Variants in CSNK2A2IP observed in about 807,000 individuals in gnomAD.
The protein encoded by CSNK2A2IP is casein kinase II subunit alpha'-interacting protein.
At chr3:88,384,602 A>T in the CSNK2A2IP span, among the ~76,000 whole-genome samples, 1 of 152,164 alleles carries the variant, frequency 6.6e-6, no homozygotes, top group South Asian at 2.1e-4. Flanking sequence ...AAAGAGCAAT[A>T]GGGACTCCTG....
chr3:88,339,250 T>C, the CSNK2A2IP span, among the ~76,000 whole-genome samples: 1 of 146,728 alleles, frequency 6.8e-6, no homozygotes, highest in Non-Finnish European at 1.5e-5. Context: ...ATCATTCCAC[T>C]CCATCTTCAT....
the CSNK2A2IP span, among the ~76,000 whole-genome samples, chr3:88,457,751 A>AAAATAAAATAAAATAAAATCAAATC: frequency 6.7e-6 from 1 of 148,208 alleles, no homozygotes; most frequent in East Asian, 2.0e-4. Flanking sequence ...AAAATAAAAT[A>AAAATAAAATAAAATAAAATCAAATC]AAATCTAGTA....
At chr3:88,366,606 G>A in the CSNK2A2IP span, among the ~76,000 whole-genome samples, 58,159 of 151,832 alleles carry the variant, frequency 0.38, 14,132 homozygotes, top group South Asian at 0.6. Flanking sequence ...AACTTTAATT[G>A]GAGTGTTAAA....
the CSNK2A2IP span, among the ~76,000 whole-genome samples, chr3:88,410,361 C>G: frequency 1.3e-5 from 2 of 151,954 alleles, no homozygotes; most frequent in South Asian, 2.1e-4. Flanking sequence ...TATGTGACAA[C>G]CTGCATTCAT....
the CSNK2A2IP span, among the ~76,000 whole-genome samples, chr3:88,422,867 T>A: frequency 6.6e-6 from 1 of 152,240 alleles, no homozygotes; most frequent in African/African-American, 2.4e-5. Context: ...AGTTGTTTTC[T>A]CTAAAAACAG....
the CSNK2A2IP span, among the ~76,000 whole-genome samples, chr3:88,421,006 G>A: frequency 6.6e-6 from 1 of 151,958 alleles, no homozygotes; most frequent in Non-Finnish European, 1.5e-5. Context: ...ATATGCAGGG[G>A]GAATTCATGC....
the CSNK2A2IP span, among the ~76,000 whole-genome samples, chr3:88,341,511 G>T: frequency 6.6e-6 from 1 of 151,620 alleles, no homozygotes; most frequent in Non-Finnish European, 1.5e-5. Context: ...TCATCTGTAA[G>T]ATGGAAAATA....
the CSNK2A2IP span, chr3:88,467,212 T>G: frequency 7.5e-6 from 3 of 400,308 alleles, no homozygotes; most frequent in East Asian, 1.1e-4. Context: ...CTCCACTTCC[T>G]CCTCCTCCAC....
At chr3:88,351,579 T>C in the CSNK2A2IP span, among the ~76,000 whole-genome samples, 3 of 152,078 alleles carry the variant, frequency 2.0e-5, no homozygotes, top group Non-Finnish European at 4.4e-5. Context: ...GTAGACATTT[T>C]TACAAGAATG....
chr3:88,345,440 T>C, the CSNK2A2IP span, among the ~76,000 whole-genome samples: 1 of 152,020 alleles, frequency 6.6e-6, no homozygotes, highest in Non-Finnish European at 1.5e-5. Context: ...TATTACATTT[T>C]TATAAATTGA....
At chr3:88,404,698 T>C in the CSNK2A2IP span, among the ~76,000 whole-genome samples, 3 of 147,986 alleles carry the variant, frequency 2.0e-5, no homozygotes, top group African/African-American at 7.3e-5. Flanking sequence ...AATACTTATT[T>C]GCCCCTAATT....
At chr3:88,372,216 T>C in the CSNK2A2IP span, among the ~76,000 whole-genome samples, 1 of 151,690 alleles carries the variant, frequency 6.6e-6, no homozygotes, top group Non-Finnish European at 1.5e-5. Context: ...CACACATTGA[T>C]GTATTAGGTT....
At chr3:88,359,947 C>T in the CSNK2A2IP span, among the ~76,000 whole-genome samples, 1 of 152,066 alleles carries the variant, frequency 6.6e-6, no homozygotes, top group South Asian at 2.1e-4. Flanking sequence ...CTGTCCATTG[C>T]TGAAAGTTGG....
At chr3:88,465,436 A>G in the CSNK2A2IP span, 2 of 1,231,686 alleles carry the variant, frequency 1.6e-6, no homozygotes, top group East Asian at 6.3e-5. Context: ...CAATACATTA[A>G]CACATCAACA....
the CSNK2A2IP span, among the ~76,000 whole-genome samples, chr3:88,366,692 G>T: frequency 7.9e-5 from 12 of 152,074 alleles, no homozygotes; most frequent in Non-Finnish European, 1.8e-4. Context: ...GCAAGGCAAA[G>T]TAAGGGCAAA....
chr3:88,369,371 A>G, the CSNK2A2IP span, among the ~76,000 whole-genome samples: 1 of 151,904 alleles, frequency 6.6e-6, no homozygotes, highest in South Asian at 2.1e-4. Context: ...TGCAGAAAAC[A>G]ATTACAGAAA....
the CSNK2A2IP span, among the ~76,000 whole-genome samples, chr3:88,426,743 A>T: frequency 1.2e-3 from 179 of 152,172 alleles, no homozygotes; most frequent in Non-Finnish European, 1.7e-3. Context: ...TGCCTTCGCC[A>T]TGATTGTAAG....
chr3:88,367,530 A>C, the CSNK2A2IP span, among the ~76,000 whole-genome samples: 1 of 152,154 alleles, frequency 6.6e-6, no homozygotes, highest in Non-Finnish European at 1.5e-5. Flanking sequence ...AACAAAAAAT[A>C]AGTTATAAGG....
At chr3:88,389,044 C>A in the CSNK2A2IP span, among the ~76,000 whole-genome samples, 415 of 152,066 alleles carry the variant, frequency 2.7e-3, 5 homozygotes, top group African/African-American at 9.2e-3. Flanking sequence ...GCCGTGCCCT[C>A]ATTTGCTTAT....
Sources: allele counts gnomAD v4.1 joint callset (sites outside exome capture counted in the v4.1 genomes callset), GRCh38; gene constraint gnomAD v4.1.1; transcripts MANE v1.5; gene names NCBI Gene and HGNC (gene_info 2026-07-23, HGNC 2026-07-21).